The following CHCHD3 variants were observed in gnomAD, a reference collection of about 807,000 sequenced individuals.
The protein encoded by CHCHD3 is coiled-coil-helix-coiled-coil-helix domain containing 3, also known as MICOS complex subunit MIC19.
In CHCHD3, 20 loss-of-function variants were observed where a neutral mutation model predicts 38.2. That is an observed-to-expected ratio of 0.52 (90% confidence interval 0.37 to 0.76). The LOEUF (loss-of-function observed/expected upper bound fraction) is 0.76. CHCHD3 is among the 30% of genes least tolerant of loss of function. CHCHD3 has a pLI of 0.00. For missense variants in CHCHD3, 245 were observed against 279.2 expected, an observed-to-expected ratio of 0.88 and a Z score of 0.87; for synonymous variants, 82 against 100.0, an observed-to-expected ratio of 0.82 and a Z score of 1.07.
At chr7:132,924,940 A>G (rs1192826553) in intron 4 of CHCHD3, among the ~76,000 whole-genome samples, 1 of 152,198 alleles carries the variant, frequency 6.6e-6, no homozygotes, top group Non-Finnish European at 1.5e-5. Flanking sequence ...TCCAGAACTG[A>G]AAAGAACTGC....
intron 6 of CHCHD3, among the ~76,000 whole-genome samples, chr7:132,820,482 A>G (rs1488876339): frequency 6.6e-6 from 1 of 151,942 alleles, no homozygotes; most frequent in East Asian, 1.9e-4. Flanking sequence ...TCCCTTTCTC[A>G]CTCTCTATAG....
intron 3 of CHCHD3, among the ~76,000 whole-genome samples, chr7:132,998,575 G>A (rs1465664622): frequency 6.6e-6 from 1 of 152,086 alleles, no homozygotes; most frequent in African/African-American, 2.4e-5. Flanking sequence ...GCCAAAGGTG[G>A]AAAAAATAAT....
intron 3 of CHCHD3, among the ~76,000 whole-genome samples, chr7:133,019,756 C>T (rs1051074751): frequency 2.6e-5 from 4 of 151,992 alleles, no homozygotes; most frequent in African/African-American, 9.7e-5. Flanking sequence ...TTTCACTTGC[C>T]TTTATAGGTA....
intron 4 of CHCHD3, among the ~76,000 whole-genome samples, chr7:132,917,858 CAAAAAA>C (rs33977058): frequency 3.2e-5 from 3 of 93,036 alleles, no homozygotes; most frequent in Non-Finnish European, 5.7e-5. Flanking sequence ...GACTCCATCT[CAAAAAA>C]AAAAAAAAAA....
In CHCHD3 at chr7:132,785,797, T is replaced by G. The variant is rs1327642464; in HGVS notation, c.661-137A>C. On this transcript the variant is annotated intron_variant, in intron 7 of 7. Coordinates refer to ENST00000262570, the MANE Select transcript of CHCHD3 (RefSeq NM_017812.4). ...CACAGAAAACAAGGCATATGCTTCCTGTTCTCAAAATATTGCTCCTTTAAT... is the reference window on the plus strand; with the variant it reads ...CACAGAAAACAAGGCATATGCTTCCGGTTCTCAAAATATTGCTCCTTTAAT... 1.8e-5 allele frequency: 16 copies of G among 891,434 alleles called. No homozygotes were observed. In the Middle Eastern group the frequency reaches 7.5e-4, roughly 42 times the overall value. 55.2% of individuals were successfully genotyped at this position (891,434 alleles called of 1,614,324 possible).
chr7:133,018,658 A>G (rs193300579), intron 3 of CHCHD3, among the ~76,000 whole-genome samples: 208 of 152,318 alleles, frequency 1.4e-3, no homozygotes, highest in African/African-American at 2.8e-3. Flanking sequence ...TAAGACAAGT[A>G]TCTATAGTCT....
chr7:132,859,476 T>C (rs747191113), intron 5 of CHCHD3, among the ~76,000 whole-genome samples: 14 of 152,302 alleles, frequency 9.2e-5, no homozygotes, highest in Middle Eastern at 3.4e-3. Flanking sequence ...ATACAGCAAT[T>C]ATAAAGGTCA....
chr7:132,910,382 A>G (rs1562904954), intron 4 of CHCHD3, among the ~76,000 whole-genome samples: 1 of 152,184 alleles, frequency 6.6e-6, no homozygotes, highest in Non-Finnish European at 1.5e-5. Context: ...ACTTGCCTGT[A>G]TTGTTCAGGC....
At chr7:132,998,591 G>A (rs1447847430) in intron 3 of CHCHD3, among the ~76,000 whole-genome samples, 1 of 152,068 alleles carries the variant, frequency 6.6e-6, no homozygotes, top group African/African-American at 2.4e-5. Context: ...ATAATAATAA[G>A]GTTAGTGCAA....
chr7:132,927,369 C>T (rs1810401986), intron 4 of CHCHD3, among the ~76,000 whole-genome samples: 1 of 152,228 alleles, frequency 6.6e-6, no homozygotes, highest in African/African-American at 2.4e-5. Context: ...CAGCCGTCAA[C>T]CACATCTGCT....
At chr7:132,850,530 G>T (rs1250454237) in intron 5 of CHCHD3, among the ~76,000 whole-genome samples, 1 of 150,906 alleles carries the variant, frequency 6.6e-6, no homozygotes, top group Non-Finnish European at 1.5e-5. Context: ...ACTACACAAG[G>T]AAAACCTTAG....
chr7:132,792,589 T>C (rs1450273946), intron 7 of CHCHD3, among the ~76,000 whole-genome samples: 1 of 152,220 alleles, frequency 6.6e-6, no homozygotes, highest in Non-Finnish European at 1.5e-5. Context: ...GAGGTGCTGC[T>C]TGTACCAAAT....
At chr7:133,067,536 A>AG (rs1814706118) in intron 2 of CHCHD3, among the ~76,000 whole-genome samples, 1 of 152,226 alleles carries the variant, frequency 6.6e-6, no homozygotes, top group Admixed American at 6.5e-5. Context: ...GAGGAAGAGG[A>AG]GGAAGCAAAG....
At chr7:132,950,773 T>C (rs1339830300) in intron 4 of CHCHD3, among the ~76,000 whole-genome samples, 1 of 152,184 alleles carries the variant, frequency 6.6e-6, no homozygotes, top group Non-Finnish European at 1.5e-5. Context: ...TGCTATGTGG[T>C]TTCTTGATTT....
intron 4 of CHCHD3, among the ~76,000 whole-genome samples, chr7:132,902,587 A>G (rs1246313112): frequency 6.6e-6 from 1 of 152,102 alleles, no homozygotes; most frequent in Non-Finnish European, 1.5e-5. Context: ...CAAACACCAC[A>G]TGTTCTCACT....
At chr7:132,876,333 GA>G (rs1291664341) in intron 5 of CHCHD3, among the ~76,000 whole-genome samples, 2 of 152,142 alleles carry the variant, frequency 1.3e-5, no homozygotes, top group Non-Finnish European at 2.9e-5. Context: ...GGAGCTCAAA[GA>G]AAGTAAAGTG....
chr7:132,826,918 A>C (rs962809003), intron 6 of CHCHD3, among the ~76,000 whole-genome samples: 1 of 152,226 alleles, frequency 6.6e-6, no homozygotes, highest in Non-Finnish European at 1.5e-5. Context: ...AGGCAAATGT[A>C]ACTTAATGGG....
intron 5 of CHCHD3, among the ~76,000 whole-genome samples, chr7:132,876,824 G>A (rs879259766): frequency 2.0e-5 from 3 of 152,168 alleles, no homozygotes; most frequent in Non-Finnish European, 4.4e-5. Flanking sequence ...CAAGATCCCA[G>A]AATAAAGCTG....
chr7:133,032,996 T>C (rs1326840583), intron 2 of CHCHD3, among the ~76,000 whole-genome samples: 1 of 152,172 alleles, frequency 6.6e-6, no homozygotes, highest in African/African-American at 2.4e-5. Context: ...AATGGTCCTG[T>C]GTGACCAAGA....
Sources: allele counts gnomAD v4.1 joint callset (sites outside exome capture counted in the v4.1 genomes callset), GRCh38; gene constraint gnomAD v4.1.1; transcripts MANE v1.5; gene names NCBI Gene and HGNC (gene_info 2026-07-23, HGNC 2026-07-21).